Variants in GABRB1 observed in about 807,000 individuals in gnomAD.
GABRB1 encodes gamma-aminobutyric acid receptor subunit beta-1.
GABRB1 carries 17 observed loss-of-function variants against 51.6 expected under a neutral mutation model. That is an observed-to-expected ratio of 0.33 (90% confidence interval 0.23 to 0.49). The LOEUF is 0.49. GABRB1 is among the 20% of genes least tolerant of loss of function. GABRB1 has a pLI of 0.99. For missense variants in GABRB1, 410 were observed against 600.6 expected, an observed-to-expected ratio of 0.68 and a Z score of 3.32; for synonymous variants, 247 against 218.9, an observed-to-expected ratio of 1.13 and a Z score of -1.14.
intron 3 of GABRB1, among the ~76,000 whole-genome samples, chr4:47,126,187 C>T (rs1716135329): frequency 1.3e-5 from 2 of 151,836 alleles, no homozygotes; most frequent in Admixed American, 1.3e-4. Context: ...AAGCTGGGCA[C>T]AGAAAGACAA....
chr4:47,231,550 AATT>A lies in GABRB1; in HGVS notation c.461+70087_461+70089del, dbSNP rs146260376. 7.3e-3 allele frequency among the ~76,000 whole-genome samples: 1,114 copies of A among 152,270 alleles called. 19 individuals are homozygous for A. Among genetic ancestry groups the A allele is most frequent in the Non-Finnish European group, 0.011 (753 of 68,004 alleles). On this transcript the variant is annotated intron_variant, in intron 4 of 8. Transcript: ENST00000295454. ...TAAAAATTTACTGGATCACAGTAGG[AATT>A]ATTATATGGTGCTTTTTATTATTGG...
chr4:47,110,716 A>ATCT, intron 3 of GABRB1, among the ~76,000 whole-genome samples: 1 of 152,324 alleles, frequency 6.6e-6, no homozygotes, highest in Non-Finnish European at 1.5e-5. Context: ...TAGAAATCTT[A>ATCT]TCTTCTTTGA....
rs1235176410 is a variant in GABRB1 at position 47,039,996 on chromosome 4, TTCA to T, written c.240+7515_240+7517del. 2.6e-5 allele frequency among the ~76,000 whole-genome samples: 4 copies of T among 152,328 alleles called. No individual in the cohort carries two copies. The East Asian group carries it at 7.7e-4, about 29-fold the overall frequency. On this transcript the variant is annotated intron_variant, in intron 3 of 8. Transcript: ENST00000295454. ...CACAAAAGAAAATGAGTAATAGTTATTCATCTTGGAAGTGGAACAAGGACCAGA... is the reference window on the plus strand; with the variant it reads ...CACAAAAGAAAATGAGTAATAGTTATTCTTGGAAGTGGAACAAGGACCAGA...
At chr4:47,204,734 A>G (rs541512878) in intron 4 of GABRB1, among the ~76,000 whole-genome samples, 2 of 152,260 alleles carry the variant, frequency 1.3e-5, no homozygotes, top group African/African-American at 4.8e-5. Flanking sequence ...GCCTGCCACC[A>G]TCCAAGTAAG....
chr4:47,099,628 C>A (rs1714635903), intron 3 of GABRB1, among the ~76,000 whole-genome samples: 1 of 152,146 alleles, frequency 6.6e-6, no homozygotes, highest in East Asian at 1.9e-4. Flanking sequence ...CCAGGCTCAT[C>A]CTTTAAATGC....
chr4:47,062,869 G>A (rs967203512), intron 3 of GABRB1, among the ~76,000 whole-genome samples: 1 of 151,846 alleles, frequency 6.6e-6, no homozygotes, highest in African/African-American at 2.4e-5. Context: ...TCCCAAATTC[G>A]ATTACATTCA....
At chr4:47,350,218 TAGAG>T (rs59905765) in intron 5 of GABRB1, among the ~76,000 whole-genome samples, 74 of 56,646 alleles carry the variant, frequency 1.3e-3, no homozygotes, top group Admixed American at 4.5e-3. Context: ...TATATATATA[TAGAG>T]AGAGAGAGAG....
At chr4:47,019,629 T>TCTCTCTTTCTTTC (rs1560498125) in intron 1 of GABRB1, among the ~76,000 whole-genome samples, 15 of 29,408 alleles carry the variant, frequency 5.1e-4, no homozygotes, top group Admixed American at 3.9e-3. Context: ...TTCTCTCTCT[T>TCTCTCTTTCTTTC]TCTTTCTTTC....
At chr4:47,374,168 T>C (rs968904476) in intron 5 of GABRB1, among the ~76,000 whole-genome samples, 1 of 152,206 alleles carries the variant, frequency 6.6e-6, no homozygotes, top group African/African-American at 2.4e-5. Flanking sequence ...TGTGATTGAA[T>C]TGTTTACATA....
At chr4:47,306,881 G>C (rs1454996698) in intron 4 of GABRB1, among the ~76,000 whole-genome samples, 1 of 152,054 alleles carries the variant, frequency 6.6e-6, no homozygotes, top group Non-Finnish European at 1.5e-5. Context: ...TAGCTTTGCT[G>C]GACCATTTTG....
chr4:47,378,318 C>T (rs944646181), intron 5 of GABRB1, among the ~76,000 whole-genome samples: 3 of 152,334 alleles, frequency 2.0e-5, no homozygotes, highest in African/African-American at 7.2e-5. Context: ...CATTGCCTGG[C>T]GCGCCGGCAG....
intron 3 of GABRB1, among the ~76,000 whole-genome samples, chr4:47,068,421 C>A (rs1375639614): frequency 6.6e-6 from 1 of 152,210 alleles, no homozygotes; most frequent in Non-Finnish European, 1.5e-5. Context: ...TCTGGGCTTT[C>A]AACATGCCTT....
intron 1 of GABRB1, among the ~76,000 whole-genome samples, chr4:47,014,444 A>C (rs140864906): frequency 6.6e-6 from 1 of 152,252 alleles, no homozygotes; most frequent in African/African-American, 2.4e-5. Context: ...ATCTTCTTTT[A>C]TGTTTTATAA....
chr4:47,064,389 C>T (rs1284839453), intron 3 of GABRB1, among the ~76,000 whole-genome samples: 2 of 152,084 alleles, frequency 1.3e-5, no homozygotes. Flanking sequence ...AATCCCAGTA[C>T]TTTGGGATGC....
intron 3 of GABRB1, among the ~76,000 whole-genome samples, chr4:47,040,246 A>G (rs1725780943): frequency 6.6e-6 from 1 of 152,330 alleles, no homozygotes; most frequent in Admixed American, 6.5e-5. Context: ...TTTAAAGGCA[A>G]CTGTGTTTTG....
chr4:47,288,948 A>G (rs1723618910), intron 4 of GABRB1, among the ~76,000 whole-genome samples: 2 of 152,208 alleles, frequency 1.3e-5, no homozygotes, highest in Admixed American at 1.3e-4. Flanking sequence ...TGTACATCTT[A>G]TATTTTTAAA....
chr4:47,357,692 T>G (rs1726638242), intron 5 of GABRB1, among the ~76,000 whole-genome samples: 1 of 152,190 alleles, frequency 6.6e-6, no homozygotes, highest in African/African-American at 2.4e-5. Flanking sequence ...CTCAACAGTG[T>G]TGATGGTACA....
rs34532575 is a variant in GABRB1 at position 47,024,933 on chromosome 4, C to CAT, written c.-19-6964_-19-6963dup. On this transcript the variant is annotated intron_variant, in intron 1 of 3. Coordinates refer to the GABRB1 transcript ENST00000513567. ...TTTTTATGGCTGGGTAGTATTCCAT[C>CAT]ATATATATATATATATATGTTATTT... Among the ~76,000 whole-genome samples the CAT allele has an allele frequency of 1.0e-3, 86 of 86,206 alleles. 12 individuals carry two copies. Among genetic ancestry groups the CAT allele is most frequent in the Admixed American group, 4.3e-3 (37 of 8,552 alleles). 56.6% of individuals were successfully genotyped at this position (86,206 alleles called of 152,430 possible).
chr4:47,169,743 C>A (rs1278572522), intron 4 of GABRB1, among the ~76,000 whole-genome samples: 30 of 152,074 alleles, frequency 2.0e-4, no homozygotes, highest in Admixed American at 2.0e-3. Context: ...CTCAGGTGAT[C>A]CCCCCGCCTT....
Sources: gnomAD v4.1 joint callset for allele counts (sites outside exome capture counted in the v4.1 genomes callset) on GRCh38, gnomAD v4.1.1 for gene constraint, MANE v1.5 for transcripts, NCBI Gene and HGNC (gene_info 2026-07-23, HGNC 2026-07-21) for gene names.